GPC5: variants seen among roughly 807,000 people sequenced by gnomAD.
GPC5 encodes the protein glypican 5, also known as glypican-5.
In GPC5, 47 loss-of-function variants were observed where a neutral mutation model predicts 53.9. That is an observed-to-expected ratio of 0.87 (90% CI 0.69 to 1.11). GPC5 has a LOEUF of 1.11. Ranked by LOEUF, GPC5 falls within the 50% of genes most tolerant of loss-of-function variation. GPC5 has a pLI of 0.00. For synonymous variants in GPC5, 286 were observed against 263.3 expected, an observed-to-expected ratio of 1.09 and a Z score of -0.84; for missense variants, 748 against 713.1, an observed-to-expected ratio of 1.05 and a Z score of -0.56.
intron 7 of GPC5, among the ~76,000 whole-genome samples, chr13:92,567,901 C>T (rs1452082592): frequency 6.6e-6 from 1 of 152,040 alleles, no homozygotes; most frequent in African/African-American, 2.4e-5. Context: ...GGTTTCTTGG[C>T]ATTTCTTAAT....
chr13:92,335,837 GC>G (rs1431928009), intron 7 of GPC5, among the ~76,000 whole-genome samples: 1 of 152,072 alleles, frequency 6.6e-6, no homozygotes, highest in East Asian at 1.9e-4. Flanking sequence ...TATCACCTCA[GC>G]ATTTTGGTAA....
At chr13:92,322,857 A>G (rs959255042) in intron 7 of GPC5, among the ~76,000 whole-genome samples, 2 of 152,096 alleles carry the variant, frequency 1.3e-5, no homozygotes, top group African/African-American at 4.8e-5. Context: ...AAACAAGAAA[A>G]GGCCCTTGAA....
intron 7 of GPC5, among the ~76,000 whole-genome samples, chr13:92,603,157 T>A (rs1169986391): frequency 6.6e-6 from 1 of 152,166 alleles, no homozygotes; most frequent in Non-Finnish European, 1.5e-5. Flanking sequence ...AATGGTATAG[T>A]ATGGATAAAG....
At chr13:91,455,438 CCTCTCTGAT>C (rs1881476015) in intron 2 of GPC5, among the ~76,000 whole-genome samples, 1 of 152,014 alleles carries the variant, frequency 6.6e-6, no homozygotes, top group African/African-American at 2.4e-5. Flanking sequence ...AATGTGTGGT[CCTCTCTGAT>C]TATTAGGGTG....
At chr13:91,520,650 ATATATATGTGTGGG>A (rs1490423744) in intron 2 of GPC5, among the ~76,000 whole-genome samples, 1 of 151,930 alleles carries the variant, frequency 6.6e-6, no homozygotes, top group African/African-American at 2.4e-5. Context: ...ATTTCCATAT[ATATATATGTGTGGG>A]TATATATGTG....
intron 5 of GPC5, among the ~76,000 whole-genome samples, chr13:91,773,603 C>T (rs342701): frequency 0.27 from 41,388 of 152,030 alleles, 6,477 homozygotes; most frequent in African/African-American, 0.41. Flanking sequence ...AAGATTTCTC[C>T]ATGTTTTGAA....
intron 5 of GPC5, among the ~76,000 whole-genome samples, chr13:91,843,446 T>C (rs1037775203): frequency 6.6e-6 from 1 of 152,124 alleles, no homozygotes; most frequent in Non-Finnish European, 1.5e-5. Context: ...ACACAGCTGC[T>C]GAAATGTACA....
At chr13:91,819,042 C>T (rs186347100) in intron 5 of GPC5, among the ~76,000 whole-genome samples, 27 of 151,972 alleles carry the variant, frequency 1.8e-4, no homozygotes, top group Non-Finnish European at 2.5e-4. Context: ...AACATCCCCA[C>T]CTAGAAACAT....
intron 2 of GPC5, among the ~76,000 whole-genome samples, chr13:91,628,368 C>T (rs1383507144): frequency 6.6e-6 from 1 of 151,944 alleles, no homozygotes; most frequent in African/African-American, 2.4e-5. Flanking sequence ...TAATTAGTTT[C>T]AAGTGAAGAG....
intron 6 of GPC5, among the ~76,000 whole-genome samples, chr13:92,053,252 C>T (rs149213246): frequency 2.6e-4 from 39 of 152,228 alleles, no homozygotes; most frequent in African/African-American, 8.7e-4. Context: ...TTATGTTAGG[C>T]GTCAGGCATG....
At chr13:92,387,690 G>A (rs1290099419) in intron 7 of GPC5, among the ~76,000 whole-genome samples, 1 of 152,114 alleles carries the variant, frequency 6.6e-6, no homozygotes, top group African/African-American at 2.4e-5. Flanking sequence ...TCTTAATTAA[G>A]CAAGTGGCAC....
At chr13:91,814,097 T>A (rs2138812751) in intron 5 of GPC5, among the ~76,000 whole-genome samples, 1 of 151,946 alleles carries the variant, frequency 6.6e-6, no homozygotes, top group Non-Finnish European at 1.5e-5. Context: ...CACGCCTGGC[T>A]AATTTTTTGT....
At chr13:92,669,202 C>T (rs931609169) in intron 7 of GPC5, among the ~76,000 whole-genome samples, 2 of 152,020 alleles carry the variant, frequency 1.3e-5, no homozygotes, top group African/African-American at 2.4e-5. Context: ...TCAAGAACTC[C>T]GCTAAGCTGT....
chr13:92,565,348 A>G (rs1175019500), intron 7 of GPC5, among the ~76,000 whole-genome samples: 1 of 152,058 alleles, frequency 6.6e-6, no homozygotes, highest in African/African-American at 2.4e-5. Context: ...CTTAAAGATT[A>G]GTTTTATAAG....
chr13:91,636,682 C>A (rs968783230), intron 2 of GPC5, among the ~76,000 whole-genome samples: 1 of 152,092 alleles, frequency 6.6e-6, no homozygotes, highest in Non-Finnish European at 1.5e-5. Context: ...GGACCAAGTG[C>A]AGTGACTCAT....
intron 2 of GPC5, among the ~76,000 whole-genome samples, chr13:91,520,846 T>C (rs1253909120): frequency 1.3e-5 from 2 of 152,042 alleles, no homozygotes; most frequent in African/African-American, 2.4e-5. Flanking sequence ...ACTAGAATAG[T>C]TTAACAGATA....
chr13:92,580,755 G>A (rs144527331), intron 7 of GPC5, among the ~76,000 whole-genome samples: 17 of 152,130 alleles, frequency 1.1e-4, no homozygotes, highest in African/African-American at 3.6e-4. Flanking sequence ...TTATTATCAC[G>A]AGGACAGCAC....
At chr13:92,066,995 A>G (rs2041172799) in intron 6 of GPC5, among the ~76,000 whole-genome samples, 1 of 152,090 alleles carries the variant, frequency 6.6e-6, no homozygotes, top group East Asian at 1.9e-4. Flanking sequence ...AGCAATATTA[A>G]GGCTGTAGCC....
At chr13:91,851,755 G>T (rs2038916508) in intron 5 of GPC5, among the ~76,000 whole-genome samples, 1 of 140,808 alleles carries the variant, frequency 7.1e-6, no homozygotes, top group Middle Eastern at 3.6e-3. Flanking sequence ...GCGGTGTTTG[G>T]TTTTTTGTTC....
Sources: gnomAD v4.1 joint callset for allele counts (sites outside exome capture counted in the v4.1 genomes callset) on GRCh38, gnomAD v4.1.1 for gene constraint, MANE v1.5 for transcripts, NCBI Gene and HGNC (gene_info 2026-07-23, HGNC 2026-07-21) for gene names.